Variants in RIF1 observed in about 807,000 individuals in gnomAD.
RIF1 encodes replication timing regulatory factor 1, also known as telomere-associated protein RIF1.
A neutral mutation model predicts 247.1 loss-of-function variants in RIF1; 45 were observed. The observed-to-expected ratio is 0.18, with a 90% CI of 0.14 to 0.23. The LOEUF (loss-of-function observed/expected upper bound fraction) is 0.23. RIF1 is among the 10% of genes least tolerant of loss of function. The probability of loss-of-function intolerance (pLI) is 1.00; values close to 1 mark genes in which losing one functional copy is unlikely to be tolerated. For missense variants in RIF1, 2,967 were observed against 2,862.5 expected (o/e 1.04, Z -0.83); for synonymous variants, 1,087 against 978.8 (o/e 1.11, Z -2.06).
At chr2:151,466,209 T>G (rs1034458404) in intron 30 of RIF1, 89 bp downstream of exon 30, 4 of 705,862 alleles carry the variant, frequency 5.7e-6, no homozygotes, top group Non-Finnish European at 9.7e-6. Flanking sequence ...TGACAAAATA[T>G]TACAATTATA....
chr2:151,451,548 T>G, intron 20 of RIF1, 58 bp from the exon 21 acceptor site: 1 of 846,296 alleles, frequency 1.2e-6, no homozygotes. Flanking sequence ...GTTGCTTACT[T>G]TTGTTGAATA....
chr2:151,486,715 A>G (rs1237662734), downstream of RIF1: 1 of 152,244 alleles, frequency 6.6e-6, no homozygotes, highest in African/African-American at 2.4e-5. Context: ...CACATGATAC[A>G]ACATGGATGA....
chr2:151,412,600 G>A (rs1021213079), intron 3 of RIF1, among the ~76,000 whole-genome samples: 1 of 151,984 alleles, frequency 6.6e-6, no homozygotes, highest in Non-Finnish European at 1.5e-5. Context: ...TGATTCTCCC[G>A]CCTCAGCCTC....
chr2:151,488,153 A>G (rs1173753906), intron 9 of RIF1, among the ~76,000 whole-genome samples: 2 of 152,094 alleles, frequency 1.3e-5, no homozygotes, highest in African/African-American at 4.8e-5. Flanking sequence ...GAGGGGAATA[A>G]TTTATCAGTG....
rs774559645 is a variant in RIF1, at chr2:151,496,313, A to G, written c.*513+987A>G. 13 of 1,612,224 alleles carry G rather than the reference A, an allele frequency of 8.1e-6. No individual in the cohort carries two copies. The East Asian group carries it at 2.2e-4, about 28-fold the overall frequency. The stretch of plus-strand genomic sequence containing the variant: ...TTCTTGATTGTGTTTGACTCGCTCC[A>G]TCTCGGGAGTGACAGCTAAAGGAGT... On this transcript the variant is annotated intron_variant and NMD_transcript_variant, in intron 10 of 13. Transcript: ENST00000454583.
At position 151,458,796 on chromosome 2, in the gene RIF1, T is replaced by C. The variant is rs763397483; in HGVS notation, c.2856-15T>C. On this transcript the variant is annotated splice_polypyrimidine_tract_variant and intron_variant, in intron 24 of 35. Coordinates refer to ENST00000444746, the MANE Select transcript of RIF1 (RefSeq NM_018151.5). Reference sequence around the variant, plus strand: ...TACTTGACTTAAGGTATATATTTTATGTACTTTTTTAAAGACCAGTACTAA... The same window carrying C: ...TACTTGACTTAAGGTATATATTTTACGTACTTTTTTAAAGACCAGTACTAA... 1 of 1,504,680 alleles carries C rather than the reference T, an allele frequency of 6.6e-7. No homozygotes were observed. Among genetic ancestry groups the C allele is most frequent in the African/African-American group, 1.4e-5 (1 of 72,184 alleles). 93.2% of individuals were successfully genotyped at this position (1,504,680 alleles called of 1,614,324 possible).
At chr2:151,444,757 T>C (rs1692966194) in intron 18 of RIF1, among the ~76,000 whole-genome samples, 1 of 152,222 alleles carries the variant, frequency 6.6e-6, no homozygotes, top group Admixed American at 6.5e-5. Context: ...GCTGTGTATG[T>C]ATAGTAGAAG....
chr2:151,446,331 AGT>A, intron 19 of RIF1, 93 bp from the exon 20 acceptor site: 1 of 1,127,068 alleles, frequency 8.9e-7, no homozygotes, highest in Middle Eastern at 2.4e-4. Flanking sequence ...TAAATGTTGC[AGT>A]GTTTTTAAAA....
In RIF1 at chr2:151,455,087, C is replaced by G; in HGVS notation, c.2537C>G (p.Ser846Cys). Residue 846 changes from serine to cysteine, a missense_variant, in exon 22 of 36, where the codon TCT (serine) becomes TGT (cysteine). Physicochemically the swap from Ser to Cys is moderately radical, Grantham distance 112. Around this residue, in one of 7 missense-constraint regions of RIF1, gnomAD observed 2,028 missense variants for 1,825.6 expected, o/e 1.11. Transcript: ENST00000444746. ...GIISSVLGHI[S>C]LPSMIRKIFA... is the part of the protein sequence containing the mutation. ...ATTTCCAGTGTACTTGGGCATATTT[C>G]TTTGCCTTCTATGATCCGAAAAATA... The G allele has an allele frequency of 6.2e-7, 1 of 1,613,342 alleles. No individual in the cohort carries two copies. Among genetic ancestry groups the G allele is most frequent in the Non-Finnish European group, 8.5e-7 (1 of 1,179,406 alleles).
intron 6 of RIF1, among the ~76,000 whole-genome samples, chr2:151,417,361 G>A (rs1687384336): frequency 1.3e-5 from 2 of 151,966 alleles, no homozygotes; most frequent in East Asian, 1.9e-4. Context: ...CCTGTTTTTT[G>A]TTCTTTAAAA....
rs1380655195 is a variant in RIF1, at chr2:151,463,760, C to T, written c.4240C>T (p.Leu1414Phe). ...QVQITPNQKTLRRSSRRRSEV... is the reference protein window; with the variant it reads ...QVQITPNQKTFRRSSRRRSEV... ...TCAGATAACTCCAAATCAGAAAACC[C>T]TTAGACGGTCTTCAAGGCGACGTTC... Residue 1414 changes from leucine (L) to phenylalanine (F), a missense_variant, in exon 30 of 36, where the codon CTT becomes TTT. Leu to Phe is a conservative substitution (Grantham distance 22). This residue lies in a region of RIF1 where 2,028 missense variants were observed against 1,825.6 expected (regional missense o/e 1.11). Coordinates refer to ENST00000444746, the MANE Select transcript of RIF1 (RefSeq NM_018151.5). 4 of 1,613,836 alleles carry T rather than the reference C, an allele frequency of 2.5e-6. No individual in the cohort carries two copies. The highest frequency in any genetic ancestry group is 2.2e-5 in the South Asian group (2 of 91,046).
intron 7 of RIF1, among the ~76,000 whole-genome samples, chr2:151,421,345 T>C (rs1688131549): frequency 6.6e-6 from 1 of 152,064 alleles, no homozygotes; most frequent in South Asian, 2.1e-4. Flanking sequence ...GAAGGCAGAG[T>C]AGGAGTTACC....
At chr2:151,516,982 CAAG>C in the RIF1 span, among the ~76,000 whole-genome samples, 1 of 152,130 alleles carries the variant, frequency 6.6e-6, no homozygotes, top group African/African-American at 2.4e-5. Context: ...TTTTCTTTCA[CAAG>C]AACTTTTATC....
chr2:151,489,943 TTATTTA>T, intron 9 of RIF1: 1 of 1,508,198 alleles, frequency 6.6e-7, no homozygotes. Flanking sequence ...TAAGAATAAT[TTATTTA>T]AGTGAGTTGT....
In RIF1 at chr2:151,467,992, G is replaced by C. The variant is rs776306182; in HGVS notation, c.6601-8G>C. ...TTTGTTAAGTAAAATCCTGACCTGT[G>C]TTTTCAGGTTCGCCGTGTCTCCTTT... On this transcript the variant is annotated splice_polypyrimidine_tract_variant and splice_region_variant and intron_variant, in intron 30 of 35. Transcript: ENST00000444746. 2.1e-5 allele frequency: 34 copies of C among 1,595,228 alleles called. No homozygotes were observed. The highest frequency in any genetic ancestry group is 2.8e-5 in the Non-Finnish European group (33 of 1,173,982).
chr2:151,505,802 G>A (rs943588792), intron 12 of RIF1: 2 of 561,530 alleles, frequency 3.6e-6, no homozygotes, highest in Non-Finnish European at 3.2e-6. Context: ...AGGGATGGGG[G>A]CCCCTATTTA....
At chr2:151,525,849 G>GT in the RIF1 span, 1 of 840,660 alleles carries the variant, frequency 1.2e-6, no homozygotes, top group Admixed American at 1.7e-5. Context: ...GATATTGATG[G>GT]TAAGAGTGAA....
intron 4 of RIF1, among the ~76,000 whole-genome samples, chr2:151,416,206 A>C (rs1262125741): frequency 6.6e-6 from 1 of 152,238 alleles, no homozygotes; most frequent in Non-Finnish European, 1.5e-5. Flanking sequence ...TATACATGGA[A>C]GTGTTAGCAA....
intron 20 of RIF1, among the ~76,000 whole-genome samples, chr2:151,451,401 C>A (rs13432666): frequency 1.3e-5 from 2 of 152,142 alleles, no homozygotes; most frequent in Non-Finnish European, 2.9e-5. Flanking sequence ...TGTGTTCTCA[C>A]AAGATGAAAT....
Sources: allele counts gnomAD v4.1 joint callset (sites outside exome capture counted in the v4.1 genomes callset), GRCh38; gene constraint gnomAD v4.1.1; regional missense constraint gnomAD v4.1.1; transcripts MANE v1.5; gene names NCBI Gene and HGNC (gene_info 2026-07-23, HGNC 2026-07-21).